The following CAB39 variants were observed in gnomAD, a reference collection of about 807,000 sequenced individuals.
CAB39 encodes the protein calcium-binding protein 39.
A neutral mutation model predicts 40.0 loss-of-function variants in CAB39; 8 were observed. The observed-to-expected ratio is 0.20, with a 90% CI of 0.12 to 0.36. The LOEUF is 0.36. Ranked by LOEUF, CAB39 falls within the 10% of genes least tolerant of loss-of-function variation. The pLI, the probability that CAB39 is intolerant of heterozygous loss-of-function variation, is 1.00. For missense variants in CAB39, 270 were observed against 401.1 expected (o/e 0.67, Z 2.79); for synonymous variants, 156 against 141.6 (o/e 1.10, Z -0.72).
intron 5 of CAB39, among the ~76,000 whole-genome samples, chr2:230,805,811 T>C (rs1377393017): frequency 4.6e-5 from 7 of 152,264 alleles, no homozygotes; most frequent in African/African-American, 1.4e-4. Flanking sequence ...CCATATGCTA[T>C]TGGCACGTAA....
Position 230,713,119 on chromosome 2 carries a change from C to A in CAB39, c.-155C>A, listed in dbSNP as rs1293638954. 6.6e-6 allele frequency: 1 copy of A among 151,788 alleles called. No individual in the cohort carries two copies. The highest frequency in any genetic ancestry group is 1.5e-5 in the Non-Finnish European group (1 of 67,898). 9.4% of individuals were successfully genotyped at this position (151,788 alleles called of 1,614,324 possible). ...AGCGGGCGGAAGACAACGGAGGGGC[C>A]GAGCGTCCGAGCCACTCCGCGGGGA... is the stretch of plus-strand genomic sequence containing the variant. On this transcript the variant is annotated 5_prime_UTR_variant, in exon 1 of 9. Transcript: ENST00000258418.
intron 6 of CAB39, among the ~76,000 whole-genome samples, chr2:230,812,251 C>T (rs993011215): frequency 1.3e-5 from 2 of 152,174 alleles, no homozygotes; most frequent in African/African-American, 4.8e-5. Context: ...AGTCAAGTTA[C>T]AGTATCATGT....
At chr2:230,738,971 A>G (rs1015571240) in intron 1 of CAB39, among the ~76,000 whole-genome samples, 1 of 152,236 alleles carries the variant, frequency 6.6e-6, no homozygotes, top group Admixed American at 6.5e-5. Context: ...AGCATTTCCA[A>G]TCTACCTTAA....
chr2:230,740,066 G>A (rs780978727), intron 1 of CAB39, among the ~76,000 whole-genome samples: 1 of 152,222 alleles, frequency 6.6e-6, no homozygotes, highest in Non-Finnish European at 1.5e-5. Flanking sequence ...GTAAGTATAA[G>A]TGCTATTTGG....
At chr2:230,748,831 A>AATATATATATATATATATATAT (rs71052546) in intron 1 of CAB39, among the ~76,000 whole-genome samples, 6 of 28,470 alleles carry the variant, frequency 2.1e-4, no homozygotes, top group Non-Finnish European at 2.5e-4. Context: ...AAAAAAAAAA[A>AATATATATATATATATATATAT]ATATATATAT....
chr2:230,761,904 T>C (rs1695299712), intron 2 of CAB39, among the ~76,000 whole-genome samples: 1 of 150,638 alleles, frequency 6.6e-6, no homozygotes, highest in Admixed American at 6.6e-5. Flanking sequence ...GTTGTTGTTG[T>C]TGTTGTTGTT....
intron 5 of CAB39, among the ~76,000 whole-genome samples, chr2:230,803,404 A>G (rs1348307342): frequency 1.3e-5 from 2 of 152,214 alleles, no homozygotes; most frequent in Non-Finnish European, 2.9e-5. Context: ...AGTTCTGGCC[A>G]GGGCAATCAG....
intron 2 of CAB39, among the ~76,000 whole-genome samples, chr2:230,769,113 T>A (rs1226438332): frequency 6.6e-6 from 1 of 152,188 alleles, no homozygotes; most frequent in Admixed American, 6.5e-5. Context: ...GCTGTACTAA[T>A]AGCAGACAAA....
intron 1 of CAB39, 36 bp from the exon 2 acceptor site, chr2:230,759,923 A>C: frequency 1.4e-6 from 1 of 693,208 alleles, no homozygotes; most frequent in Non-Finnish European, 2.5e-6. Context: ...CGTTGATCCC[A>C]GTGTTTGCTC....
Position 230,732,438 on chromosome 2 carries a change from C to G in CAB39, c.-44+19208C>G, listed in dbSNP as rs536967789. On this transcript the variant is annotated intron_variant, in intron 1 of 8. Coordinates refer to ENST00000258418, the MANE Select transcript of CAB39 (RefSeq NM_016289.4). ...CAGGTTTATCAGTCAGTTTTAAGAC[C>G]CCTTACTTGGGTTTTAGGAAACATC... Among the ~76,000 whole-genome samples the G allele has an allele frequency of 1.7e-4, 26 of 152,186 alleles. 1 individual carries two copies. The highest frequency in any genetic ancestry group is 5.8e-4 in the African/African-American group (24 of 41,532).
At chr2:230,761,817 A>G (rs186446788) in intron 2 of CAB39, among the ~76,000 whole-genome samples, 1 of 152,324 alleles carries the variant, frequency 6.6e-6, no homozygotes, top group East Asian at 1.9e-4. Flanking sequence ...ACAATTTATA[A>G]TAAGACAATA....
chr2:230,813,892 A>C, intron 6 of CAB39, 157 bp from the exon 7 acceptor site: 1 of 534,682 alleles, frequency 1.9e-6, no homozygotes, highest in Non-Finnish European at 3.2e-6. Flanking sequence ...GACATGAAAG[A>C]GAGTGGCAGG....
chr2:230,761,626 A>G (rs893520453), intron 2 of CAB39, among the ~76,000 whole-genome samples: 1 of 152,062 alleles, frequency 6.6e-6, no homozygotes. Context: ...TCCTACTCTA[A>G]ATGGTCCTGG....
rs187386142 is a variant in CAB39, at chr2:230,770,140, A to G, written c.114+10025A>G. ...GAAAAACAAGAGCAAATTAAATACA[A>G]AGTAAGCAGGAGAAAGGAAATAGCT... On this transcript the variant is annotated intron_variant, in intron 2 of 8. Transcript: ENST00000258418. Among the ~76,000 whole-genome samples, 242 of 152,284 alleles carry G rather than the reference A, an allele frequency of 1.6e-3. 2 individuals carry two copies. Among genetic ancestry groups the G allele is most frequent in the African/African-American group, 5.6e-3 (234 of 41,556 alleles).
intron 1 of CAB39, among the ~76,000 whole-genome samples, chr2:230,721,056 C>A (rs1167043474): frequency 6.6e-6 from 1 of 152,194 alleles, no homozygotes. Context: ...CTTCCCTCCC[C>A]TCTTCCCCAC....
intron 1 of CAB39, among the ~76,000 whole-genome samples, chr2:230,759,568 G>T (rs1005632830): frequency 3.9e-5 from 6 of 152,156 alleles, no homozygotes; most frequent in African/African-American, 1.4e-4. Flanking sequence ...AATAGGAGCA[G>T]GAGATTGTTA....
intron 8 of CAB39, 111 bp downstream of exon 8, chr2:230,818,008 A>G: frequency 1.1e-6 from 1 of 940,762 alleles, no homozygotes; most frequent in Non-Finnish European, 1.6e-6. Context: ...TGACTTAATT[A>G]AATTCAGTCA....
intron 2 of CAB39, among the ~76,000 whole-genome samples, chr2:230,770,934 T>C (rs941957980): frequency 6.6e-6 from 1 of 152,192 alleles, no homozygotes; most frequent in Non-Finnish European, 1.5e-5. Flanking sequence ...CAGCTAGCAT[T>C]ATACATATGG....
At chr2:230,815,979 T>G (rs1975325) in intron 7 of CAB39, among the ~76,000 whole-genome samples, 150,970 of 152,376 alleles carry the variant, frequency 0.99, 74,799 homozygotes, top group East Asian at 1. Context: ...TTTAGTAAAG[T>G]ATTACATGTT....
Sources: allele counts gnomAD v4.1 joint callset (sites outside exome capture counted in the v4.1 genomes callset), GRCh38; gene constraint gnomAD v4.1.1; transcripts MANE v1.5; gene names NCBI Gene and HGNC (gene_info 2026-07-23, HGNC 2026-07-21).